Variants in NLGN3 observed in about 807,000 individuals in gnomAD.
The protein encoded by NLGN3 is neuroligin 3.
In NLGN3, 11 loss-of-function variants were observed where a neutral mutation model predicts 42.9. That is an observed-to-expected ratio of 0.26 (90% confidence interval 0.16 to 0.42). The LOEUF (loss-of-function observed/expected upper bound fraction) is 0.42, where lower values mean the gene tolerates loss of function less well. NLGN3 is among the 10% of genes least tolerant of loss of function. NLGN3 has a pLI of 1.00. For synonymous variants in NLGN3, 279 were observed against 312.7 expected (o/e 0.89, Z 1.14); for missense variants, 374 against 733.8 (o/e 0.51, Z 5.67).
chrX:71,165,135 A>G (rs974284867), intron 6 of NLGN3, among the ~76,000 whole-genome samples: 1 of 111,645 alleles, frequency 9.0e-6, no homozygotes, highest in African/African-American at 3.3e-5. Context: ...TTTTAATTGA[A>G]CACTAACCCC....
Position 71,146,172 on chromosome X carries a change from GACACAC to G in NLGN3, c.-201+1252_-201+1257del, listed in dbSNP as rs1168453634. The stretch of plus-strand genomic sequence containing the variant: ...TCTCTCTCACACACACACACACACA[GACACAC>G]ACACACACACACACACACACACACA... On this transcript the variant is annotated intron_variant, in intron 1 of 7. Transcript: ENST00000358741. Among the ~76,000 whole-genome samples, 170 of 38,186 alleles carry G rather than the reference GACACAC, an allele frequency of 4.5e-3. 3 individuals are homozygous for G. Among genetic ancestry groups the G allele is most frequent in the East Asian group, 0.034 (35 of 1,038 alleles). 33.2% of individuals were successfully genotyped at this position (38,186 alleles called of 115,157 possible). A position where few individuals can be genotyped will look rare whatever the true frequency, so the allele number is the denominator to read the frequency against.
At position 71,153,531 on chromosome X, in the gene NLGN3, A is replaced by T. The variant is rs2092398067; in HGVS notation, c.572A>T (p.Asp191Val). The T allele has an allele frequency of 8.3e-7, 1 of 1,206,708 alleles. No individual in the cohort carries two copies. Among genetic ancestry groups the T allele is most frequent in the Non-Finnish European group, 1.1e-6 (1 of 893,077 alleles). ...TTAGCGGATAATGACGGGGATGAAG[A>T]TGAAGGTATTTGGGGGCTGCAGGGC... is the stretch of plus-strand genomic sequence containing the variant. Reference protein sequence around the residue: ...EDLADNDGDEDEDIRDSGAKP... With the variant: ...EDLADNDGDEVEDIRDSGAKP... Residue 191 changes from aspartate to valine, a missense_variant, in exon 4 of 8, where the codon GAT becomes GTT. By Grantham distance (152) the Asp-to-Val change is radical (BLOSUM62 -3). This residue lies in a region of NLGN3 where 109 missense variants were observed against 173.3 expected (regional missense o/e 0.63). Transcript: ENST00000358741.
At chrX:71,165,020 A>G (rs1200062960) in intron 6 of NLGN3, among the ~76,000 whole-genome samples, 1 of 111,932 alleles carries the variant, frequency 8.9e-6, no homozygotes, top group Non-Finnish European at 1.9e-5. Context: ...GGAACATTCT[A>G]TCTCTGAGAG....
chrX:71,165,724 G>A (rs999411155), intron 6 of NLGN3, among the ~76,000 whole-genome samples: 1 of 110,474 alleles, frequency 9.1e-6, no homozygotes, highest in East Asian at 2.8e-4. Context: ...TGTAGAGACA[G>A]GTTTTCGCCA....
intron 1 of NLGN3, among the ~76,000 whole-genome samples, chrX:71,145,980 C>T (rs1191098221): frequency 4.4e-5 from 4 of 91,418 alleles, no homozygotes; most frequent in Non-Finnish European, 6.4e-5. Flanking sequence ...CCCCTTCCTT[C>T]CCCTTCCCCT....
At chrX:71,160,777 C>T (rs2147891916) in intron 5 of NLGN3, among the ~76,000 whole-genome samples, 1 of 112,410 alleles carries the variant, frequency 8.9e-6, no homozygotes, top group South Asian at 3.7e-4. Flanking sequence ...CCAGGCAAAC[C>T]GAAAACCCAG....
intron 7 of NLGN3, among the ~76,000 whole-genome samples, chrX:71,168,670 C>T (rs776615232): frequency 2.1e-5 from 2 of 97,480 alleles, no homozygotes; most frequent in African/African-American, 3.9e-5. Flanking sequence ...TGCAGTGAGC[C>T]GAGGTTGCCC....
chrX:71,162,157 T>C (rs1185693904), intron 5 of NLGN3, among the ~76,000 whole-genome samples: 1 of 109,519 alleles, frequency 9.1e-6, no homozygotes, highest in Non-Finnish European at 1.9e-5. Context: ...GGAGTCTCAT[T>C]CTGTCCCCCA....
chrX:71,166,378 C>T lies in NLGN3; in HGVS notation c.914-633C>T, dbSNP rs758830054. On this transcript the variant is annotated intron_variant, in intron 6 of 7. Coordinates refer to ENST00000358741, the MANE Select transcript of NLGN3 (RefSeq NM_181303.2). ...GGCTGAGGCAAGAGAAACGCTTGAA[C>T]CTGGGAGGCAGAGGTTGCAGTTAGC... 1.3e-4 allele frequency among the ~76,000 whole-genome samples: 14 copies of T among 109,564 alleles called. No individual in the cohort carries two copies. In the East Asian group the frequency reaches 4.0e-3, roughly 32 times the overall value.
intron 3 of NLGN3, among the ~76,000 whole-genome samples, chrX:71,152,815 C>G (rs749981762): frequency 1.8e-5 from 2 of 111,066 alleles, no homozygotes; most frequent in Non-Finnish European, 3.8e-5. Context: ...GCTTGCTGCT[C>G]TCAACACTGG....
At chrX:71,166,172 C>A (rs1013286359) in intron 6 of NLGN3, among the ~76,000 whole-genome samples, 10 of 110,617 alleles carry the variant, frequency 9.0e-5, no homozygotes, top group African/African-American at 3.3e-4. Flanking sequence ...AAAGGAAAGT[C>A]TCTGCCAGGC....
Position 71,168,868 on chromosome X carries a change from AG to A in NLGN3, c.1704-385del, listed in dbSNP as rs1316365651. ...AAGAAAGAAAGAAAGAAAGAAAGAA[AG>A]AGAAAGAAAAGAAAGAGAAAGAAAG... On this transcript the variant is annotated intron_variant, in intron 7 of 7. Transcript: ENST00000358741. Among the ~76,000 whole-genome samples the A allele has an allele frequency of 8.8e-3, 579 of 66,068 alleles. 7 individuals are homozygous for A. The African/African-American group carries it at 0.093, about 11-fold the overall frequency. 57.4% of individuals were successfully genotyped at this position (66,068 alleles called of 115,157 possible).
rs1246952632 is a variant in NLGN3, at chrX:71,153,696, C to T, written c.577+160C>T. ...TTCATCTGTCTTTGGCCCTGTTGGCCACTGGGAGTTCCGGGGTGATGGACA... is the reference window on the plus strand; with the variant it reads ...TTCATCTGTCTTTGGCCCTGTTGGCTACTGGGAGTTCCGGGGTGATGGACA... On this transcript the variant is annotated intron_variant, in intron 4 of 7. Transcript: ENST00000358741. Among the ~76,000 whole-genome samples, 43 of 111,827 alleles carry T rather than the reference C, an allele frequency of 3.8e-4. 2 individuals carry two copies. In the Admixed American group the frequency reaches 4.1e-3, roughly 11 times the overall value.
intron 5 of NLGN3, among the ~76,000 whole-genome samples, chrX:71,160,654 G>A (rs1032363989): frequency 1.8e-5 from 2 of 112,478 alleles, no homozygotes; most frequent in Non-Finnish European, 3.8e-5. Flanking sequence ...AACAAAGAAA[G>A]GGACTCCAGC....
chrX:71,148,795 C>T, intron 2 of NLGN3, 51 bp from the exon 3 acceptor site: 1 of 1,107,359 alleles, frequency 9.0e-7, no homozygotes, highest in Non-Finnish European at 1.2e-6. Context: ...GGGGTGCATG[C>T]CCCTGGGCAG....
At chrX:71,172,654 G>T (rs1602334583), downstream of NLGN3, among the ~76,000 whole-genome samples, 1 of 110,415 alleles carries the variant, frequency 9.1e-6, no homozygotes, top group East Asian at 2.8e-4. Flanking sequence ...GTGTGTGTGT[G>T]TGAGATCTAG....
intron 3 of NLGN3, among the ~76,000 whole-genome samples, chrX:71,151,579 C>A (rs1029576373): frequency 8.9e-6 from 1 of 111,854 alleles, no homozygotes; most frequent in Non-Finnish European, 1.9e-5. Context: ...GAATGGTGGT[C>A]GGCAGTCAGG....
At chrX:71,145,521 C>T (rs947905154) in intron 1 of NLGN3, among the ~76,000 whole-genome samples, 1 of 108,689 alleles carries the variant, frequency 9.2e-6, no homozygotes, top group Non-Finnish European at 1.9e-5. Context: ...CCAAAAGTAC[C>T]CCGAGATGCC....
chrX:71,154,660 A>G (rs1187540850), intron 4 of NLGN3, among the ~76,000 whole-genome samples: 1 of 111,511 alleles, frequency 9.0e-6, no homozygotes, highest in Non-Finnish European at 1.9e-5. Flanking sequence ...TATCTCTGCC[A>G]TTCACTCCCC....
Sources: gnomAD v4.1 joint callset for allele counts (sites outside exome capture counted in the v4.1 genomes callset) on GRCh38, gnomAD v4.1.1 for gene constraint, gnomAD v4.1.1 regional missense constraint, MANE v1.5 for transcripts, NCBI Gene and HGNC (gene_info 2026-07-23, HGNC 2026-07-21) for gene names.